Variants in GRIN2C observed in about 807,000 individuals in gnomAD.
GRIN2C encodes glutamate receptor ionotropic, NMDA 2C.
GRIN2C carries 64 observed loss-of-function variants against 77.7 expected under a neutral mutation model. The ratio of observed to expected loss-of-function variants is 0.82; its 90% CI spans 0.67 to 1.01. The LOEUF is 1.01. GRIN2C is among the 50% of genes least tolerant of loss of function. The pLI, the probability that GRIN2C is intolerant of heterozygous loss-of-function variation, is 0.00. For missense variants in GRIN2C, 1,549 were observed against 1,486.0 expected (o/e 1.04, Z -0.70); for synonymous variants, 792 against 643.4 (o/e 1.23, Z -3.49).
At position 74,850,796 on chromosome 17, in the gene GRIN2C, G is replaced by T. The variant is rs1278522669; in HGVS notation, c.1114-29C>A. ...TGGAGGGTGACAGCCTCAGCCTGGG[G>T]CCTCCAGCCCTACAGCCCCCACCCT... is the stretch of plus-strand genomic sequence containing the variant. On this transcript the variant is annotated intron_variant, in intron 4 of 12. Coordinates refer to ENST00000293190, the MANE Select transcript of GRIN2C (RefSeq NM_000835.6). The surrounding 1 kb of genome is among the most constrained non-coding windows in gnomAD (Gnocchi z 5.3). The T allele has an allele frequency of 6.4e-7, 1 of 1,570,414 alleles. No homozygotes were observed. The highest frequency in any genetic ancestry group is 1.1e-5 in the South Asian group (1 of 88,562).
chr17:74,844,043 C>A (rs965274048), intron 12 of GRIN2C: 16 of 820,752 alleles, frequency 1.9e-5, no homozygotes, highest in African/African-American at 1.4e-4. Context: ...CCAGCTAATT[C>A]TTTTATTTTC....
intron 3 of GRIN2C, 50 bp from the exon 4 acceptor site, chr17:74,851,741 C>A: frequency 8.8e-7 from 1 of 1,138,898 alleles, no homozygotes; most frequent in South Asian, 1.3e-5. Flanking sequence ...CAGGCACCCC[C>A]TGCCTCTGCC....
chr17:74,842,562 A>C lies in GRIN2C; in HGVS notation c.3575T>G (p.Leu1192Arg), dbSNP rs766155368. The C allele has an allele frequency of 1.3e-6, 1 of 773,804 alleles. No homozygotes were observed. The highest frequency in any genetic ancestry group is 1.3e-5 in the South Asian group (1 of 74,094). 47.9% of individuals were successfully genotyped at this position (773,804 alleles called of 1,614,324 possible). Residue 1192 changes from leucine to arginine, a missense_variant, in exon 13 of 13, where the codon CTG becomes CGG. Physicochemically the swap from Leu to Arg is moderately radical, Grantham distance 102. Transcript: ENST00000293190. ...GTCTCTGTAGCCTGTGCCCAGCCCC[A>C]GAGTCCTGCCCCTGTGCCCCAGAGG... Reference protein sequence around the residue: ...WGPLGHRGRTLGLGTGYRDSG... With the variant: ...WGPLGHRGRTRGLGTGYRDSG...
At position 74,850,143 on chromosome 17, in the gene GRIN2C, C is replaced by T. The variant is rs2037589059; in HGVS notation, c.1491+63G>A. The stretch of plus-strand genomic sequence containing the variant: ...CCCTCTAGAGGGCATCTGAGAGCCA[C>T]ATGGGGCCTGGGCAGCAGGTGGGCA... On this transcript the variant is annotated intron_variant, in intron 6 of 12. Coordinates refer to ENST00000293190, the MANE Select transcript of GRIN2C (RefSeq NM_000835.6). The surrounding 1 kb of genome is among the most constrained non-coding windows in gnomAD (Gnocchi z 5.3). 1.3e-6 allele frequency: 2 copies of T among 1,572,184 alleles called. No homozygotes were observed. The highest frequency in any genetic ancestry group is 1.7e-6 in the Non-Finnish European group (2 of 1,148,260).
At position 74,855,912 on chromosome 17, in the gene GRIN2C, G is replaced by A. The variant is rs181147765; in HGVS notation, c.-15-805C>T. 2.6e-4 allele frequency among the ~76,000 whole-genome samples: 39 copies of A among 152,356 alleles called. No individual in the cohort carries two copies. In the East Asian group the frequency reaches 6.6e-3, roughly 26 times the overall value. ...GGCCTCAGCTAGTAGCAGCTCTTCCGCAGCAGGGTGCAACAGCACTGACTT... is the reference window on the plus strand; with the variant it reads ...GGCCTCAGCTAGTAGCAGCTCTTCCACAGCAGGGTGCAACAGCACTGACTT... On this transcript the variant is annotated intron_variant, in intron 1 of 12. Transcript: ENST00000293190.
At position 74,847,036 on chromosome 17, in the gene GRIN2C, G is replaced by A. The variant is rs1251263167; in HGVS notation, c.2002-116C>T. On this transcript the variant is annotated intron_variant, in intron 9 of 12. Transcript: ENST00000293190. The surrounding 1 kb of genome is among the most constrained non-coding windows in gnomAD (Gnocchi z 5.2). ...GTGGACTTGCATAGTCAGAGCAGAAGGTCTTAAAGGCTGTCCAGGCCACTC... is the reference window on the plus strand; with the variant it reads ...GTGGACTTGCATAGTCAGAGCAGAAAGTCTTAAAGGCTGTCCAGGCCACTC... The A allele has an allele frequency of 4.5e-6, 5 of 1,120,260 alleles. No individual in the cohort carries two copies. The highest frequency in any genetic ancestry group is 1.5e-5 in the South Asian group (1 of 66,404). 69.4% of individuals were successfully genotyped at this position (1,120,260 alleles called of 1,614,324 possible).
Position 74,846,702 on chromosome 17 carries a change from G to A in GRIN2C, c.2162+58C>T, listed in dbSNP as rs1179882895. The A allele has an allele frequency of 3.9e-6, 6 of 1,549,206 alleles. No individual in the cohort carries two copies. Among genetic ancestry groups the A allele is most frequent in the Admixed American group, 1.7e-5 (1 of 58,560 alleles). On this transcript the variant is annotated intron_variant, in intron 10 of 12. Coordinates refer to ENST00000293190, the MANE Select transcript of GRIN2C (RefSeq NM_000835.6). This position sits in a 1 kb window ranked among gnomAD's most constrained non-coding sequence, Gnocchi z 4.4. Reference sequence around the variant, plus strand: ...CCACTGTCCCCACATTGAGAGCTAAGGCTGGTCACTGGGGAGACACACGGA... The same window carrying A: ...CCACTGTCCCCACATTGAGAGCTAAAGCTGGTCACTGGGGAGACACACGGA...
chr17:74,857,571 C>T (rs941034910), intron 1 of GRIN2C, among the ~76,000 whole-genome samples: 3 of 152,230 alleles, frequency 2.0e-5, no homozygotes, highest in Non-Finnish European at 2.9e-5. Flanking sequence ...AGATCTCAAC[C>T]ACAAAGGACA....
At chr17:74,855,757 G>T (rs1190094232) in intron 1 of GRIN2C, among the ~76,000 whole-genome samples, 3 of 152,130 alleles carry the variant, frequency 2.0e-5, no homozygotes, top group Non-Finnish European at 4.4e-5. Flanking sequence ...TCTCACCAGG[G>T]CCTGTGCTAC....
chr17:74,843,567 AGAC>A lies in GRIN2C; in HGVS notation c.2584-17_2584-15del, dbSNP rs1256406047. On this transcript the variant is annotated splice_polypyrimidine_tract_variant and intron_variant, in intron 12 of 12. Coordinates refer to ENST00000293190, the MANE Select transcript of GRIN2C (RefSeq NM_000835.6). ...GCTGTAGATGCCCTGGGCAGTAGGG[AGAC>A]GACAGGCCGTAAGCAGCGCCCTCCG... 6.5e-7 allele frequency: 1 copy of A among 1,531,104 alleles called. No individual in the cohort carries two copies. The highest frequency in any genetic ancestry group is 8.7e-7 in the Non-Finnish European group (1 of 1,145,760). The allele number at this position is 1,531,104 out of a possible 1,614,324, so 94.8% of individuals were successfully genotyped here.
chr17:74,850,428 C>T lies in GRIN2C; in HGVS notation c.1326-57G>A. 9.4e-6 allele frequency: 15 copies of T among 1,589,144 alleles called. No individual in the cohort carries two copies. Among genetic ancestry groups the T allele is most frequent in the South Asian group, 7.7e-5 (7 of 90,648 alleles). On this transcript the variant is annotated intron_variant, in intron 5 of 12. Coordinates refer to ENST00000293190, the MANE Select transcript of GRIN2C (RefSeq NM_000835.6). This position sits in a 1 kb window ranked among gnomAD's most constrained non-coding sequence, Gnocchi z 5.3. ...GTCAGAGTATGTCGTGGCCCAGCCCCGCCCCAGCCACTCCTCCAGCCTGGC... is the reference window on the plus strand; with the variant it reads ...GTCAGAGTATGTCGTGGCCCAGCCCTGCCCCAGCCACTCCTCCAGCCTGGC...
Position 74,842,968 on chromosome 17 carries a change from G to A in GRIN2C, c.3169C>T (p.Pro1057Ser). Reference protein sequence around the residue: ...PELEDLPLLGPEQLARREALL... With the variant: ...PELEDLPLLGSEQLARREALL... ...GCCTCCCGCCGGGCCAGCTGCTCCG[G>A]ACCGAGCAGCGGCAGGTCCTCCAGC... The change falls in exon 13 of 13, where the codon CCG (proline) becomes TCG (serine). Residue 1057 changes from proline (P) to serine (S), a missense_variant. This residue lies in a region of GRIN2C where 450 missense variants were observed against 267.9 expected (regional missense o/e 1.68). Transcript: ENST00000293190. 3.8e-6 allele frequency: 2 copies of A among 533,028 alleles called. No individual in the cohort carries two copies. The highest frequency in any genetic ancestry group is 6.5e-6 in the Non-Finnish European group (2 of 307,430). 33.0% of individuals were successfully genotyped at this position (533,028 alleles called of 1,614,324 possible).
intron 3 of GRIN2C, 53 bp downstream of exon 3, chr17:74,851,960 T>C: frequency 7.3e-7 from 1 of 1,362,024 alleles, no homozygotes; most frequent in Non-Finnish European, 9.8e-7. Flanking sequence ...GCCAGCCAGC[T>C]CCCCCGAAGC....
rs1215516901 is a variant in GRIN2C at position 74,847,481 on chromosome 17, C to A, written c.1828G>T (p.Val610Phe). The A allele has an allele frequency of 2.5e-6, 4 of 1,613,966 alleles. No homozygotes were observed. The South Asian group carries it at 4.4e-5, about 18-fold the overall frequency. The change falls in exon 9 of 13, where the codon GTC (valine) becomes TTC (phenylalanine). Residue 610 changes from valine (V) to phenylalanine (F), a missense_variant. Around this residue, in one of 3 missense-constraint regions of GRIN2C, gnomAD observed 717 missense variants for 858.1 expected, o/e 0.84. Transcript: ENST00000293190. The surrounding 1 kb of genome is among the most constrained non-coding windows in gnomAD (Gnocchi z 5.2). ...TCGATGGGCACTGAGTTGTTGAAGA[C>A]CAGCGCCCACAGCAGCCACACGGAC... ...GKSVWLLWAL[V>F]FNNSVPIENP... is the part of the protein sequence containing the mutation.
intron 11 of GRIN2C, 138 bp from the exon 12 acceptor site, chr17:74,844,646 G>A: frequency 1.4e-6 from 2 of 1,435,168 alleles, no homozygotes; most frequent in South Asian, 2.9e-5. Context: ...AGACCACATG[G>A]GGATCCAGCC....
rs1310146991 is a variant in GRIN2C at position 74,842,780 on chromosome 17, C to T, written c.3357G>A (p.Gln1119=). The change falls in exon 13 of 13, where the codon CAG becomes CAA. Residue 1119 remains glutamine (Q), a synonymous_variant. Transcript: ENST00000293190. ...AGATCGGCAAGCACATCGACTGCGCCTGCGCCAAGCGCCTGCAGGCCGAGT... is the reference window on the plus strand; with the variant it reads ...AGATCGGCAAGCACATCGACTGCGCTTGCGCCAAGCGCCTGCAGGCCGAGT... ...DGHSACRRLA[Q]AQSMCLPIYR... is the part of the protein sequence containing the mutation. The T allele has an allele frequency of 3.0e-6, 2 of 662,354 alleles. No individual in the cohort carries two copies. Among genetic ancestry groups the T allele is most frequent in the African/African-American group, 3.7e-5 (2 of 54,042 alleles). The allele number at this position is 662,354 out of a possible 1,614,324, so 41.0% of individuals were successfully genotyped here.
Position 74,852,099 on chromosome 17 carries a change from C to CCAGTAGCT in GRIN2C, c.904_911dup (p.Trp304Ter), listed in dbSNP as rs762858069. ...GGGCTGGCAGGGTTCCATGCTGGCG[C>CCAGTAGCT]CAGTAGCTGTGGGCGCCCAGGGCCA... On this transcript the variant is annotated stop_gained and frameshift_variant, in exon 3 of 13. Transcript: ENST00000293190. LOFTEE classifies it high-confidence loss of function. The CCAGTAGCT allele has an allele frequency of 6.8e-7, 1 of 1,467,142 alleles. No homozygotes were observed. The highest frequency in any genetic ancestry group is 2.6e-5 in the East Asian group (1 of 38,270). 90.9% of individuals were successfully genotyped at this position (1,467,142 alleles called of 1,614,324 possible). A position where few individuals can be genotyped will look rare whatever the true frequency, so the allele number is the denominator to read the frequency against.
At position 74,845,416 on chromosome 17, in the gene GRIN2C, C is replaced by T. The variant is rs528042304; in HGVS notation, c.2350+650G>A. Reference sequence around the variant, plus strand: ...AGTAGCTGGGATTATAGGTGTGTGCCACCATGCCTGGCTAATTTTTTAAAA... The same window carrying T: ...AGTAGCTGGGATTATAGGTGTGTGCTACCATGCCTGGCTAATTTTTTAAAA... On this transcript the variant is annotated intron_variant, in intron 11 of 12. Transcript: ENST00000293190. 1.5e-3 allele frequency among the ~76,000 whole-genome samples: 229 copies of T among 152,104 alleles called. 2 individuals carry two copies. The highest frequency in any genetic ancestry group is 6.8e-3 in the Middle Eastern group (2 of 294).
rs747033646 is a variant in GRIN2C, at chr17:74,854,707, A to G, written c.386T>C (p.Val129Ala). 1.9e-6 allele frequency: 3 copies of G among 1,606,980 alleles called. No individual in the cohort carries two copies. Among genetic ancestry groups the G allele is most frequent in the Non-Finnish European group, 8.5e-7 (1 of 1,174,282 alleles). ...TTGGACATGCACCTTGGGGGTGAGGACCACAGCAGAGCCTCCGCTGATGCT... is the reference window on the plus strand; with the variant it reads ...TTGGACATGCACCTTGGGGGTGAGGGCCACAGCAGAGCCTCCGCTGATGCT... ...ILSISGGSAV[V>A]LTPKEPGSAF... The change falls in exon 2 of 13, where the codon GTC (valine) becomes GCC (alanine). Residue 129 changes from valine to alanine, a missense_variant. By Grantham distance (64) the Val-to-Ala change is moderately conservative. Coordinates refer to ENST00000293190, the MANE Select transcript of GRIN2C (RefSeq NM_000835.6).
Sources: gnomAD v4.1 joint callset for allele counts (sites outside exome capture counted in the v4.1 genomes callset) on GRCh38, gnomAD v4.1.1 for gene constraint, gnomAD v4.1.1 regional missense constraint, Gnocchi (gnomAD v3.1) non-coding constraint, MANE v1.5 for transcripts, NCBI Gene and HGNC (gene_info 2026-07-23, HGNC 2026-07-21) for gene names.